Variants in CYP27A1 observed in about 807,000 individuals in gnomAD.
The protein encoded by CYP27A1 is cytochrome P450 family 27 subfamily A member 1, also known as sterol 26-hydroxylase, mitochondrial.
CYP27A1 carries 46 observed loss-of-function variants against 58.2 expected under a neutral mutation model. The observed-to-expected ratio is 0.79, with a 90% CI of 0.62 to 1.01. The LOEUF (loss-of-function observed/expected upper bound fraction) is 1.01. Among genes scored for constraint, CYP27A1 ranks in the 50% least tolerant of loss-of-function variants. The pLI, the probability that CYP27A1 is intolerant of heterozygous loss-of-function variation, is 0.00. For synonymous variants in CYP27A1, 274 were observed against 285.1 expected, an observed-to-expected ratio of 0.96 and a Z score of 0.39; for missense variants, 704 against 687.0, an observed-to-expected ratio of 1.02 and a Z score of -0.28.
chr2:218,803,037 T>G (rs562619117), intron 1 of CYP27A1, among the ~76,000 whole-genome samples: 5 of 152,096 alleles, frequency 3.3e-5, no homozygotes, highest in African/African-American at 1.2e-4. Flanking sequence ...CTCTGCCTCT[T>G]GGGTTAAAGT....
rs57470234 is a variant in CYP27A1, at chr2:218,789,384, C to T, written c.255+6947C>T. ...AAAGAACAATTCACAAATCAGACAGCGTCCCGAGCCAGAGTAGGCTCAGAG... is the reference window on the plus strand; with the variant it reads ...AAAGAACAATTCACAAATCAGACAGTGTCCCGAGCCAGAGTAGGCTCAGAG... On this transcript the variant is annotated intron_variant, in intron 1 of 8. Transcript: ENST00000258415. 6.8e-3 allele frequency among the ~76,000 whole-genome samples: 1,035 copies of T among 152,318 alleles called. 13 individuals are homozygous for T. The highest frequency in any genetic ancestry group is 0.023 in the African/African-American group (953 of 41,556).
At chr2:218,814,786 T>A in intron 8 of CYP27A1, 29 bp downstream of exon 8, 1 of 1,613,394 alleles carries the variant, frequency 6.2e-7, no homozygotes, top group Non-Finnish European at 8.5e-7. Context: ...GTAGGGTGTG[T>A]GGGCAGGGAG....
chr2:218,801,677 T>C (rs958437617), intron 1 of CYP27A1, among the ~76,000 whole-genome samples: 1 of 152,188 alleles, frequency 6.6e-6, no homozygotes, highest in Non-Finnish European at 1.5e-5. Context: ...TTCTTATTTG[T>C]AAGATTGGAC....
At chr2:218,805,717 T>C (rs1943644757) in intron 1 of CYP27A1, among the ~76,000 whole-genome samples, 1 of 152,190 alleles carries the variant, frequency 6.6e-6, no homozygotes, top group Admixed American at 6.5e-5. Context: ...TGAAAGATGA[T>C]CTTTGTTCTG....
intron 1 of CYP27A1, among the ~76,000 whole-genome samples, chr2:218,807,545 A>G (rs929336078): frequency 6.6e-6 from 1 of 152,236 alleles, no homozygotes; most frequent in Non-Finnish European, 1.5e-5. Context: ...CAAGACTCAA[A>G]CAATAGAACA....
At chr2:218,793,291 G>A (rs369178564) in intron 1 of CYP27A1, among the ~76,000 whole-genome samples, 1 of 152,056 alleles carries the variant, frequency 6.6e-6, no homozygotes, top group Non-Finnish European at 1.5e-5. Flanking sequence ...GGCCAGGCTG[G>A]TCTTAAACTC....
intron 1 of CYP27A1, among the ~76,000 whole-genome samples, chr2:218,792,882 A>T (rs940937393): frequency 1.3e-5 from 2 of 152,104 alleles, no homozygotes; most frequent in African/African-American, 4.8e-5. Flanking sequence ...TCTCTTTTGG[A>T]TGCTTCAGGG....
In CYP27A1 at chr2:218,812,964, C is replaced by G; in HGVS notation, c.885C>G (p.Ala295=). 8.1e-6 allele frequency: 13 copies of G among 1,614,224 alleles called. No homozygotes were observed. Among genetic ancestry groups the G allele is most frequent in the Non-Finnish European group, 1.0e-5 (12 of 1,180,048 alleles). Residue 295 remains alanine, a synonymous_variant, in exon 5 of 9, where the codon GCC becomes GCG. Coordinates refer to ENST00000258415, the MANE Select transcript of CYP27A1 (RefSeq NM_000784.4). ...ATGAGAAGCTCGAAGATATGGAGGC[C>G]CAACTGCAGGCAGCAGGGCCAGATG... ...LIDEKLEDME[A]QLQAAGPDGI...
intron 1 of CYP27A1, among the ~76,000 whole-genome samples, chr2:218,783,704 AG>A (rs1349139774): frequency 6.6e-6 from 1 of 151,980 alleles, no homozygotes; most frequent in Non-Finnish European, 1.5e-5. Flanking sequence ...GGGAAGAGGG[AG>A]GGGGCTTCGA....
At chr2:218,792,364 T>C (rs1943502224) in intron 1 of CYP27A1, among the ~76,000 whole-genome samples, 1 of 152,360 alleles carries the variant, frequency 6.6e-6, no homozygotes, top group Middle Eastern at 3.4e-3. Flanking sequence ...TGATTTAGCA[T>C]GAACATCTGG....
At chr2:218,806,228 A>G (rs535748387) in intron 1 of CYP27A1, among the ~76,000 whole-genome samples, 1 of 152,350 alleles carries the variant, frequency 6.6e-6, no homozygotes, top group Non-Finnish European at 1.5e-5. Context: ...AGGATAAGAA[A>G]CCAAACTTTA....
intron 1 of CYP27A1, among the ~76,000 whole-genome samples, chr2:218,795,356 A>T (rs1349451318): frequency 6.6e-6 from 1 of 152,180 alleles, no homozygotes; most frequent in East Asian, 1.9e-4. Flanking sequence ...TCATAAGCCA[A>T]ATGCTAAGGT....
chr2:218,789,563 T>C (rs1290134785), intron 1 of CYP27A1, among the ~76,000 whole-genome samples: 1 of 152,240 alleles, frequency 6.6e-6, no homozygotes, highest in East Asian at 1.9e-4. Flanking sequence ...CCACCTCTGA[T>C]TGGCCAAAAC....
At chr2:218,806,494 T>A (rs1943653315) in intron 1 of CYP27A1, among the ~76,000 whole-genome samples, 1 of 152,268 alleles carries the variant, frequency 6.6e-6, no homozygotes, top group South Asian at 2.1e-4. Flanking sequence ...GGCTACAACA[T>A]AGAATTATCC....
At chr2:218,783,533 A>G (rs1943415228) in intron 1 of CYP27A1, among the ~76,000 whole-genome samples, 1 of 152,328 alleles carries the variant, frequency 6.6e-6, no homozygotes, top group Admixed American at 6.5e-5. Flanking sequence ...TGCACCTACC[A>G]TGTTCTAGGC....
In CYP27A1 at chr2:218,814,974, A is replaced by AG; in HGVS notation, c.1540_1541insG (p.Ile514SerfsTer7). 1 of 1,614,198 alleles carries AG rather than the reference A, an allele frequency of 6.2e-7. No individual in the cohort carries two copies. The highest frequency in any genetic ancestry group is 8.5e-7 in the Non-Finnish European group (1 of 1,180,034). ...GGGGGAGTTGAAGAGTGTGGCCCGC[A>AG]TTGTCCTGGTTCCCAATAAGAAAGT... On this transcript the variant is annotated frameshift_variant, in exon 9 of 9. Transcript: ENST00000258415. LOFTEE classifies it high-confidence loss of function.
intron 2 of CYP27A1, among the ~76,000 whole-genome samples, chr2:218,811,132 C>A (rs1405377225): frequency 3.9e-5 from 6 of 152,010 alleles, no homozygotes; most frequent in Admixed American, 3.9e-4. Flanking sequence ...CTGTCTCAAA[C>A]AAAACAAAAC....
intron 1 of CYP27A1, among the ~76,000 whole-genome samples, chr2:218,786,033 C>A (rs1292767963): frequency 6.6e-6 from 1 of 152,064 alleles, no homozygotes; most frequent in Non-Finnish European, 1.5e-5. Flanking sequence ...ACTTACAGTC[C>A]CCCAGCTACT....
chr2:218,788,810 T>C (rs1249511286), intron 1 of CYP27A1, among the ~76,000 whole-genome samples: 1 of 152,236 alleles, frequency 6.6e-6, no homozygotes, highest in African/African-American at 2.4e-5. Context: ...TTTCTTCAGT[T>C]TGACAAAAAC....
Sources: gnomAD v4.1 joint callset for allele counts (sites outside exome capture counted in the v4.1 genomes callset) on GRCh38, gnomAD v4.1.1 for gene constraint, MANE v1.5 for transcripts, NCBI Gene and HGNC (gene_info 2026-07-23, HGNC 2026-07-21) for gene names.